The following CHRM3 variants were observed in gnomAD, a reference collection of about 807,000 sequenced individuals.
CHRM3 encodes the protein cholinergic receptor muscarinic 3.
Under a neutral mutation model 41.8 loss-of-function variants are expected in CHRM3, and 11 were observed. The observed-to-expected ratio is 0.26, with a 90% CI of 0.17 to 0.44. The LOEUF (loss-of-function observed/expected upper bound fraction) is 0.44, where lower values mean the gene tolerates loss of function less well. CHRM3 is among the 20% of genes least tolerant of loss of function. The pLI is 1.00. For missense variants in CHRM3, 571 were observed against 745.4 expected (o/e 0.77, Z 2.72); for synonymous variants, 297 against 301.4 (o/e 0.99, Z 0.15).
chr1:239,634,212 A>G (rs1670187477), intron 4 of CHRM3, among the ~76,000 whole-genome samples: 1 of 152,122 alleles, frequency 6.6e-6, no homozygotes, highest in Admixed American at 6.6e-5. Context: ...TAGTCAGGGG[A>G]CATTGTCAGC....
chr1:239,479,522 G>A (rs1380360162), intron 1 of CHRM3, among the ~76,000 whole-genome samples: 1 of 152,110 alleles, frequency 6.6e-6, no homozygotes, highest in Non-Finnish European at 1.5e-5. Flanking sequence ...CTCAACAGTG[G>A]CGATAAGTTC....
At chr1:239,505,136 C>T (rs1668483022) in intron 2 of CHRM3, among the ~76,000 whole-genome samples, 1 of 152,042 alleles carries the variant, frequency 6.6e-6, no homozygotes, top group South Asian at 2.1e-4. Context: ...ATTTCTTTGC[C>T]TTTGTTTCTT....
chr1:239,851,219 T>C (rs1674670354), intron 6 of CHRM3, among the ~76,000 whole-genome samples: 3 of 152,152 alleles, frequency 2.0e-5, no homozygotes, highest in Admixed American at 2.0e-4. Context: ...TCTCAGAAAT[T>C]AAAGAAAATC....
chr1:239,840,982 A>G (rs1673751212), intron 6 of CHRM3, among the ~76,000 whole-genome samples: 1 of 152,144 alleles, frequency 6.6e-6, no homozygotes, highest in Non-Finnish European at 1.5e-5. Context: ...AAGTGTCATA[A>G]TTTTAGGCCA....
chr1:239,820,026 T>A (rs929485230), intron 5 of CHRM3, among the ~76,000 whole-genome samples: 4 of 152,168 alleles, frequency 2.6e-5, no homozygotes, highest in Non-Finnish European at 4.4e-5. Context: ...GTGTTTACCA[T>A]GTCGGTGAGA....
At chr1:239,513,909 C>T (rs1290015912) in intron 2 of CHRM3, among the ~76,000 whole-genome samples, 7 of 152,044 alleles carry the variant, frequency 4.6e-5, no homozygotes, top group Non-Finnish European at 7.4e-5. Flanking sequence ...CATAGTATTG[C>T]ATTTGTTCCT....
chr1:239,564,393 T>C (rs190534880), intron 3 of CHRM3, among the ~76,000 whole-genome samples: 133 of 152,284 alleles, frequency 8.7e-4, no homozygotes, highest in Non-Finnish European at 1.6e-3. Context: ...CAATTTAAAA[T>C]TATATCTAGA....
chr1:239,908,538 G>A lies in CHRM3; in HGVS notation c.1087G>A (p.Ala363Thr). The A allele has an allele frequency of 6.3e-7, 1 of 1,588,746 alleles. No individual in the cohort carries two copies. The highest frequency in any genetic ancestry group is 8.6e-7 in the Non-Finnish European group (1 of 1,167,520). ...DEEDIGSETR[A>T]IYSIVLKLPG... is the part of the protein sequence containing the mutation. ...GGAGGACATTGGCTCCGAGACGAGA[G>A]CCATCTACTCCATCGTGCTCAAGCT... The change falls in exon 7 of 7, where the codon GCC (alanine) becomes ACC (threonine). Residue 363 changes from alanine to threonine, a missense_variant. By Grantham distance (58) the Ala-to-Thr change is moderately conservative. Around this residue, in one of 5 missense-constraint regions of CHRM3, gnomAD observed 239 missense variants for 239.6 expected, o/e 1.00. Transcript: ENST00000676153. This position sits in a 1 kb window ranked among gnomAD's most constrained non-coding sequence, Gnocchi z 7.2.
At chr1:239,859,819 T>TA (rs1675465542) in intron 6 of CHRM3, among the ~76,000 whole-genome samples, 34 of 131,420 alleles carry the variant, frequency 2.6e-4, no homozygotes, top group African/African-American at 8.8e-4. Context: ...TCTAAGTGTT[T>TA]TATATATATA....
chr1:239,416,121 A>G (rs1572220637), intron 1 of CHRM3, among the ~76,000 whole-genome samples: 1 of 152,198 alleles, frequency 6.6e-6, no homozygotes, highest in African/African-American at 2.4e-5. Flanking sequence ...TCTATTTTAA[A>G]GAAATAAAAT....
At chr1:239,776,820 C>T (rs114520195) in intron 5 of CHRM3, among the ~76,000 whole-genome samples, 1,926 of 152,224 alleles carry the variant, frequency 0.013, 36 homozygotes, top group African/African-American at 0.044. Flanking sequence ...ACATGTCCTT[C>T]GTCACATGGC....
chr1:239,551,295 T>C (rs949239861), intron 3 of CHRM3, among the ~76,000 whole-genome samples: 2 of 151,656 alleles, frequency 1.3e-5, no homozygotes, highest in African/African-American at 4.8e-5. Context: ...CCCAAGTAGC[T>C]GGGATTACAG....
At chr1:239,611,677 C>T (rs915052012) in intron 3 of CHRM3, among the ~76,000 whole-genome samples, 3 of 152,104 alleles carry the variant, frequency 2.0e-5, no homozygotes, top group Non-Finnish European at 4.4e-5. Flanking sequence ...CCTTGGCCTC[C>T]CAAAGTGCTG....
chr1:239,712,743 C>T (rs1327922426), intron 5 of CHRM3, among the ~76,000 whole-genome samples: 1 of 152,126 alleles, frequency 6.6e-6, no homozygotes, highest in Admixed American at 6.6e-5. Context: ...TAGTGTTTCT[C>T]TTTAATGAAA....
intron 5 of CHRM3, among the ~76,000 whole-genome samples, chr1:239,724,473 A>G (rs1261533035): frequency 6.6e-6 from 1 of 151,944 alleles, no homozygotes; most frequent in Admixed American, 6.6e-5. Context: ...TTGTTTGTGC[A>G]TTGGAAGTTT....
intron 3 of CHRM3, among the ~76,000 whole-genome samples, chr1:239,602,337 A>G (rs886182032): frequency 2.0e-5 from 3 of 151,988 alleles, no homozygotes; most frequent in Non-Finnish European, 2.9e-5. Context: ...ATTTAAGATT[A>G]TGAATTTTGG....
intron 2 of CHRM3, among the ~76,000 whole-genome samples, chr1:239,506,948 T>C (rs768399281): frequency 1.3e-5 from 2 of 152,176 alleles, no homozygotes; most frequent in African/African-American, 2.4e-5. Flanking sequence ...TTGGGGCCTG[T>C]ACCCCCTTTG....
intron 5 of CHRM3, among the ~76,000 whole-genome samples, chr1:239,816,242 A>C (rs1286273415): frequency 6.6e-6 from 1 of 152,102 alleles, no homozygotes; most frequent in Admixed American, 6.6e-5. Context: ...TGCCCCTCCC[A>C]TGAGGCTGAT....
intron 4 of CHRM3, among the ~76,000 whole-genome samples, chr1:239,664,310 C>T (rs971825888): frequency 1.3e-5 from 2 of 152,150 alleles, no homozygotes; most frequent in Admixed American, 6.5e-5. Context: ...TTTAATTTAT[C>T]ACCAATTCAA....
Sources: allele counts gnomAD v4.1 joint callset (sites outside exome capture counted in the v4.1 genomes callset), GRCh38; gene constraint gnomAD v4.1.1; regional missense constraint gnomAD v4.1.1; non-coding constraint Gnocchi (gnomAD v3.1); transcripts MANE v1.5; gene names NCBI Gene and HGNC (gene_info 2026-07-23, HGNC 2026-07-21).